Variants in OCA2 observed in about 807,000 individuals in gnomAD.
The protein encoded by OCA2 is P protein.
Under a neutral mutation model 100.2 loss-of-function variants are expected in OCA2, and 77 were observed. The ratio of observed to expected loss-of-function variants is 0.77; its 90% CI spans 0.64 to 0.93. OCA2 has a LOEUF of 0.93. Ranked by LOEUF, OCA2 falls within the 40% of genes least tolerant of loss-of-function variation. OCA2 has a pLI of 0.00. For synonymous variants in OCA2, 432 were observed against 439.2 expected (o/e 0.98, Z 0.21); for missense variants, 1,062 against 1,089.1 (o/e 0.98, Z 0.35).
chr15:28,007,918 C>T (rs2141172690), intron 9 of OCA2, among the ~76,000 whole-genome samples: 1 of 152,330 alleles, frequency 6.6e-6, no homozygotes, highest in South Asian at 2.1e-4. Context: ...CATTCAGTCA[C>T]TCATGGATCA....
chr15:27,805,940 C>A (rs773125575), intron 23 of OCA2, among the ~76,000 whole-genome samples: 2 of 152,228 alleles, frequency 1.3e-5, no homozygotes, highest in African/African-American at 2.4e-5. Context: ...CGCCTCCAGG[C>A]CGAATGGCCG....
At chr15:27,912,339 G>A (rs575865072) in intron 19 of OCA2, among the ~76,000 whole-genome samples, 1 of 152,290 alleles carries the variant, frequency 6.6e-6, no homozygotes, top group East Asian at 1.9e-4. Context: ...AATCTTTTGA[G>A]AGGCAGTTGA....
intron 23 of OCA2, among the ~76,000 whole-genome samples, chr15:27,799,995 T>C (rs1377128810): frequency 1.3e-5 from 2 of 152,176 alleles, no homozygotes; most frequent in East Asian, 1.9e-4. Flanking sequence ...ATTTGGGTCA[T>C]ACAAGGTATC....
the OCA2 span, among the ~76,000 whole-genome samples, chr15:27,728,225 G>C: frequency 6.6e-6 from 1 of 152,166 alleles, no homozygotes; most frequent in South Asian, 2.1e-4. Context: ...CAAGTGTTTT[G>C]TTTCCAAAAT....
chr15:27,914,265 G>A (rs986872493), intron 19 of OCA2, among the ~76,000 whole-genome samples: 3 of 151,998 alleles, frequency 2.0e-5, no homozygotes, highest in Admixed American at 1.3e-4. Flanking sequence ...ATACTGAATG[G>A]GCAAAAGCTG....
intron 19 of OCA2, among the ~76,000 whole-genome samples, chr15:27,917,055 G>A (rs2140307474): frequency 6.6e-6 from 1 of 152,270 alleles, no homozygotes; most frequent in Middle Eastern, 3.4e-3. Context: ...TGGGGTAGGG[G>A]AGCTGGGTGT....
chr15:27,966,776 C>T lies in OCA2; in HGVS notation c.1550G>A (p.Cys517Tyr). 1 of 1,613,306 alleles carries T rather than the reference C, an allele frequency of 6.2e-7. No individual in the cohort carries two copies. Residue 517 changes from cysteine to tyrosine, a missense_variant, in exon 15 of 24, where the codon TGC becomes TAC. By Grantham distance (194) the Cys-to-Tyr change is radical. Transcript: ENST00000354638. The stretch of plus-strand genomic sequence containing the variant: ...CGGAAAGCAGACCAGGAGAACAAGG[C>T]AAATCCCAATGAACATGTGTGCAGT... ...GFTAHMFIGI[C>Y]LVLLVCFPLL...
intron 18 of OCA2, among the ~76,000 whole-genome samples, chr15:27,929,358 T>A (rs2039160989): frequency 6.6e-6 from 1 of 152,232 alleles, no homozygotes; most frequent in Non-Finnish European, 1.5e-5. Context: ...CAATTGATTT[T>A]TTTGCAAAGA....
chr15:27,989,386 C>T (rs917161882), intron 11 of OCA2, among the ~76,000 whole-genome samples: 5 of 152,170 alleles, frequency 3.3e-5, no homozygotes, highest in Middle Eastern at 6.3e-3. Flanking sequence ...ATGACTTCAT[C>T]GTCAGACACG....
intron 5 of OCA2, among the ~76,000 whole-genome samples, chr15:28,024,433 C>G (rs2042686844): frequency 2.0e-5 from 3 of 152,240 alleles, no homozygotes; most frequent in Admixed American, 1.3e-4. Flanking sequence ...TGGGCAGAGG[C>G]CCAGGGCACA....
At chr15:28,052,282 T>C (rs866772596) in intron 2 of OCA2, among the ~76,000 whole-genome samples, 1 of 152,214 alleles carries the variant, frequency 6.6e-6, no homozygotes, top group Non-Finnish European at 1.5e-5. Context: ...AGAGATACTG[T>C]GAATTATGCA....
intron 21 of OCA2, among the ~76,000 whole-genome samples, chr15:27,859,257 C>A (rs1383588814): frequency 6.6e-6 from 1 of 151,630 alleles, no homozygotes; most frequent in African/African-American, 2.4e-5. Flanking sequence ...AAAGGATCGA[C>A]GATATTGTCA....
intron 19 of OCA2, among the ~76,000 whole-genome samples, chr15:27,877,047 T>C (rs1276311510): frequency 6.6e-6 from 1 of 151,974 alleles, no homozygotes; most frequent in Non-Finnish European, 1.5e-5. Flanking sequence ...AAGCTAACTT[T>C]AGGTGCACTC....
chr15:27,984,406 T>C (rs2041273605), intron 13 of OCA2, among the ~76,000 whole-genome samples: 1 of 152,138 alleles, frequency 6.6e-6, no homozygotes, highest in Non-Finnish European at 1.5e-5. Context: ...CCCCTACACC[T>C]GCTCATCCAC....
At chr15:27,986,188 G>A (rs551488493) in intron 12 of OCA2, among the ~76,000 whole-genome samples, 60 of 152,264 alleles carry the variant, frequency 3.9e-4, no homozygotes, top group African/African-American at 1.4e-3. Context: ...ATGTAAATGT[G>A]TATATATTCA....
intron 19 of OCA2, among the ~76,000 whole-genome samples, chr15:27,923,849 A>C (rs1206573677): frequency 1.3e-5 from 2 of 152,158 alleles, no homozygotes; most frequent in African/African-American, 4.8e-5. Flanking sequence ...TGCTGTGCAG[A>C]AGCTCTTTAG....
At chr15:28,089,449 A>G (rs912047992) in intron 1 of OCA2, among the ~76,000 whole-genome samples, 1 of 152,214 alleles carries the variant, frequency 6.6e-6, no homozygotes, top group Non-Finnish European at 1.5e-5. Context: ...TTATAAAAGT[A>G]TTAATTTGGG....
intron 21 of OCA2, among the ~76,000 whole-genome samples, chr15:27,857,587 T>A (rs898380297): frequency 2.0e-5 from 3 of 151,940 alleles, no homozygotes; most frequent in Admixed American, 6.6e-5. Flanking sequence ...TACCACAATT[T>A]AAAAAAATAA....
chr15:28,044,281 A>C (rs926537465), intron 2 of OCA2, among the ~76,000 whole-genome samples: 1 of 152,240 alleles, frequency 6.6e-6, no homozygotes, highest in African/African-American at 2.4e-5. Context: ...GTGGCAACGC[A>C]TGCATGAAGC....
Sources: gnomAD v4.1 joint callset for allele counts (sites outside exome capture counted in the v4.1 genomes callset) on GRCh38, gnomAD v4.1.1 for gene constraint, MANE v1.5 for transcripts, NCBI Gene and HGNC (gene_info 2026-07-23, HGNC 2026-07-21) for gene names.